The following SAR1A variants were observed in gnomAD, a reference collection of about 807,000 sequenced individuals.
SAR1A encodes the protein small COPII coat GTPase SAR1A.
SAR1A carries 6 observed loss-of-function variants against 22.6 expected under a neutral mutation model. The ratio of observed to expected loss-of-function variants is 0.27; its 90% CI spans 0.15 to 0.52. The LOEUF is 0.52. Ranked by LOEUF, SAR1A falls within the 20% of genes least tolerant of loss-of-function variation. The pLI, the probability that SAR1A is intolerant of heterozygous loss-of-function variation, is 0.96. For missense variants in SAR1A, 145 were observed against 245.1 expected, an observed-to-expected ratio of 0.59 and a Z score of 2.73; for synonymous variants, 70 against 82.2, an observed-to-expected ratio of 0.85 and a Z score of 0.80.
In SAR1A at chr10:70,152,576, T is replaced by C; in HGVS notation, c.497A>G (p.Lys166Arg). The C allele has an allele frequency of 1.2e-6, 2 of 1,613,854 alleles. No individual in the cohort carries two copies. Among genetic ancestry groups the C allele is most frequent in the Non-Finnish European group, 1.7e-6 (2 of 1,179,792 alleles). Residue 166 changes from lysine (K) to arginine (R), a missense_variant, in exon 7 of 7, where the codon AAG (lysine) becomes AGG (arginine). Around this residue, in one of 3 missense-constraint regions of SAR1A, gnomAD observed 83 missense variants for 114.7 expected, o/e 0.72. Coordinates refer to ENST00000373241, the MANE Select transcript of SAR1A (RefSeq NM_020150.5). ...QTTGKGNVTL[K>R]ELNARPMEVF... ...TTCCATGGGGCGAGCATTCAGCTCC[T>C]TCAGGGTCACATTCCCCTAAAGGAG...
chr10:70,160,925 A>G, intron 4 of SAR1A, 79 bp downstream of exon 4: 1 of 866,104 alleles, frequency 1.2e-6, no homozygotes, highest in South Asian at 1.7e-5. Context: ...GGTAAAAATG[A>G]CACACTGCTT....
In SAR1A at chr10:70,157,859, C is replaced by T. The variant is rs1233931600; in HGVS notation, c.253G>A (p.Val85Ile). ...ATTGCTGGGAGATAATTTTTCCAAA[C>T]GCGACGTGCTAAAAAACAAAGTTTG... The part of the protein sequence containing the change: ...DLGGHEQARR[V>I]WKNYLPAING... The change falls in exon 5 of 7, where the codon GTT (valine) becomes ATT (isoleucine). Residue 85 changes from valine to isoleucine, a missense_variant. By Grantham distance (29) the Val-to-Ile change is conservative. Coordinates refer to ENST00000373241, the MANE Select transcript of SAR1A (RefSeq NM_020150.5). 4 of 1,612,272 alleles carry T rather than the reference C, an allele frequency of 2.5e-6. No homozygotes were observed. The highest frequency in any genetic ancestry group is 3.3e-5 in the Admixed American group (2 of 59,840).
intron 1 of SAR1A, among the ~76,000 whole-genome samples, chr10:70,170,095 G>C (rs1013591647): frequency 3.9e-5 from 6 of 152,102 alleles, no homozygotes; most frequent in Non-Finnish European, 8.8e-5. Context: ...AGGCTCTTCC[G>C]AGACAGAGGA....
intron 1 of SAR1A, chr10:70,163,992 G>A (rs1398977551): frequency 4.6e-6 from 5 of 1,098,526 alleles, no homozygotes; most frequent in Non-Finnish European, 5.6e-6. Context: ...TATTAGTGGT[G>A]TAGAACTTCA....
Position 70,161,677 on chromosome 10 carries a change from A to G in SAR1A, c.120T>C (p.Thr40=). 6.2e-7 allele frequency: 1 copy of G among 1,612,822 alleles called. No homozygotes were observed. The highest frequency in any genetic ancestry group is 8.5e-7 in the Non-Finnish European group (1 of 1,179,944). Residue 40 remains threonine, a synonymous_variant, in exon 3 of 7, where the codon ACT becomes ACC. Coordinates refer to ENST00000373241, the MANE Select transcript of SAR1A (RefSeq NM_020150.5). The part of the protein sequence containing the change: ...FLGLDNAGKT[T]LLHMLKDDRL... ...TGTCATCTTTGAGCATGTGAAGAAG[A>G]GTGGTTTTGCCTGCATTATCCAAAC...
intron 3 of SAR1A, 31 bp downstream of exon 3, chr10:70,161,588 T>G: frequency 6.2e-7 from 1 of 1,611,126 alleles, no homozygotes. Context: ...CCTTTAAAGA[T>G]CAAAAGGTCA....
chr10:70,166,615 G>A (rs1009682052), intron 1 of SAR1A: 1 of 152,010 alleles, frequency 6.6e-6, no homozygotes, highest in Non-Finnish European at 1.5e-5. Flanking sequence ...GAACCATTAA[G>A]GGATAAGAAG....
At chr10:70,161,245 T>C (rs566085621) in intron 3 of SAR1A, 176 bp from the exon 4 acceptor site, 9 of 571,500 alleles carry the variant, frequency 1.6e-5, no homozygotes, top group African/African-American at 1.5e-4. Flanking sequence ...AGGAGGATAA[T>C]CTGAGCCCAG....
At chr10:70,162,380 G>T (rs1403353898) in intron 1 of SAR1A, among the ~76,000 whole-genome samples, 1 of 145,680 alleles carries the variant, frequency 6.9e-6, no homozygotes, top group Non-Finnish European at 1.5e-5. Context: ...GAAGGGAAAG[G>T]GAAAGGGAAA....
At chr10:70,168,831 C>T (rs1232324971) in intron 1 of SAR1A, among the ~76,000 whole-genome samples, 2 of 151,850 alleles carry the variant, frequency 1.3e-5, no homozygotes, top group African/African-American at 4.8e-5. Flanking sequence ...AATGCCCCCG[C>T]CCCCCTTTTC....
At position 70,167,144 on chromosome 10, in the gene SAR1A, A is replaced by G. The variant is rs73273602; in HGVS notation, c.-17+3269T>C. The stretch of plus-strand genomic sequence containing the variant: ...TCAAAAGCTACTAAAAGGTTTACAT[A>G]TATTGGTAATAAGCAAAATGACCTC... On this transcript the variant is annotated intron_variant, in intron 1 of 6. Transcript: ENST00000373241. 8.3e-3 allele frequency among the ~76,000 whole-genome samples: 1,263 copies of G among 152,336 alleles called. 16 individuals carry two copies. The highest frequency in any genetic ancestry group is 0.029 in the African/African-American group (1,202 of 41,572).
Position 70,162,282 on chromosome 10 carries a change from G to C in SAR1A, c.-16-351C>G, listed in dbSNP as rs530651939. 7.5e-4 allele frequency among the ~76,000 whole-genome samples: 113 copies of C among 151,236 alleles called. 1 individual carries two copies. Among genetic ancestry groups the C allele is most frequent in the African/African-American group, 2.6e-3 (106 of 41,098 alleles). On this transcript the variant is annotated intron_variant, in intron 1 of 6. Coordinates refer to ENST00000373241, the MANE Select transcript of SAR1A (RefSeq NM_020150.5). ...TTGAACCCAGGGGTTTGAGGCTGCA[G>C]TGAGGCATGACGGTGCCACTGCACT...
chr10:70,158,579 C>G (rs933459310), intron 4 of SAR1A, among the ~76,000 whole-genome samples: 1 of 152,108 alleles, frequency 6.6e-6, no homozygotes, highest in Non-Finnish European at 1.5e-5. Flanking sequence ...TAATTTCTAG[C>G]CCTTGCAATA....
At chr10:70,166,830 A>G (rs1839559134) in intron 1 of SAR1A, 1 of 151,096 alleles carries the variant, frequency 6.6e-6, no homozygotes, top group African/African-American at 2.4e-5. Flanking sequence ...TCTCTACAAA[A>G]AAAAAAAAAA....
At chr10:70,155,866 CAGAG>C (rs1201989720) in intron 5 of SAR1A, among the ~76,000 whole-genome samples, 1 of 152,098 alleles carries the variant, frequency 6.6e-6, no homozygotes, top group African/African-American at 2.4e-5. Context: ...TAAAAAGAAA[CAGAG>C]GGAGGATCAT....
chr10:70,154,838 A>G (rs1273099626), intron 5 of SAR1A, among the ~76,000 whole-genome samples: 1 of 152,264 alleles, frequency 6.6e-6, no homozygotes, highest in Non-Finnish European at 1.5e-5. Context: ...GAATATTAAC[A>G]TTAAGACAAG....
At position 70,152,062 on chromosome 10, in the gene SAR1A, A is replaced by C. The variant is rs1839332550; in HGVS notation, c.*414T>G. On this transcript the variant is annotated 3_prime_UTR_variant, in exon 7 of 7. Coordinates refer to ENST00000373241, the MANE Select transcript of SAR1A (RefSeq NM_020150.5). The stretch of plus-strand genomic sequence containing the variant: ...TAGTTTAAAAAAAAAAAAGAATAGA[A>C]AACTCTGGACCAAGTAAATTGTGAA... The C allele has an allele frequency of 4.8e-6, 1 of 208,322 alleles. No individual in the cohort carries two copies. The highest frequency in any genetic ancestry group is 1.0e-5 in the Non-Finnish European group (1 of 99,626). 12.9% of individuals were successfully genotyped at this position (208,322 alleles called of 1,614,324 possible).
At chr10:70,163,802 C>T in intron 1 of SAR1A, 6 of 1,398,840 alleles carry the variant, frequency 4.3e-6, no homozygotes, top group Non-Finnish European at 6.1e-6. Flanking sequence ...AATGAGGTCT[C>T]AGGCAGAATC....
At chr10:70,160,830 T>C (rs1839459304) in intron 4 of SAR1A, among the ~76,000 whole-genome samples, 174 bp downstream of exon 4, 1 of 152,146 alleles carries the variant, frequency 6.6e-6, no homozygotes, top group Non-Finnish European at 1.5e-5. Flanking sequence ...TTTTGACAAG[T>C]TTGAAATTAC....
Sources: allele counts gnomAD v4.1 joint callset (sites outside exome capture counted in the v4.1 genomes callset), GRCh38; gene constraint gnomAD v4.1.1; regional missense constraint gnomAD v4.1.1; transcripts MANE v1.5; gene names NCBI Gene and HGNC (gene_info 2026-07-23, HGNC 2026-07-21).